The following CEP128 variants were observed in gnomAD, a reference collection of about 807,000 sequenced individuals.
CEP128 encodes centrosomal protein 128kDa.
Under a neutral mutation model 156.7 loss-of-function variants are expected in CEP128, and 132 were observed. That is an observed-to-expected ratio of 0.84 (90% CI 0.73 to 0.97). CEP128 has a LOEUF of 0.97. CEP128 is among the 50% of genes least tolerant of loss of function. The pLI is 0.00. For synonymous variants in CEP128, 469 were observed against 448.9 expected (o/e 1.04, Z -0.57); for missense variants, 1,252 against 1,281.9 (o/e 0.98, Z 0.36).
chr14:80,957,194 G>A (rs1886740236), intron 2 of CEP128, among the ~76,000 whole-genome samples: 1 of 152,022 alleles, frequency 6.6e-6, no homozygotes, highest in Non-Finnish European at 1.5e-5. Context: ...TCTTCACCCA[G>A]CTAATGCCTA....
At chr14:80,677,677 G>C (rs1217316284) in intron 19 of CEP128, among the ~76,000 whole-genome samples, 2 of 151,940 alleles carry the variant, frequency 1.3e-5, no homozygotes, top group African/African-American at 4.8e-5. Flanking sequence ...TCATCACCTA[G>C]AGTTGGTGAA....
chr14:80,558,802 T>C (rs1447403572), intron 21 of CEP128, among the ~76,000 whole-genome samples: 1 of 152,240 alleles, frequency 6.6e-6, no homozygotes, highest in Non-Finnish European at 1.5e-5. Context: ...TAATAGCACA[T>C]TCCTACAAGT....
chr14:80,891,705 G>T (rs1169718672), intron 8 of CEP128, among the ~76,000 whole-genome samples: 1 of 151,790 alleles, frequency 6.6e-6, no homozygotes, highest in Non-Finnish European at 1.5e-5. Flanking sequence ...TAATTGAATT[G>T]TTTGTAACAA....
At chr14:80,799,095 G>A (rs560389340) in intron 13 of CEP128, among the ~76,000 whole-genome samples, 2 of 152,286 alleles carry the variant, frequency 1.3e-5, no homozygotes, top group South Asian at 4.1e-4. Context: ...AACAGAATGA[G>A]TCACTCAGGC....
chr14:80,713,405 C>T lies in CEP128; in HGVS notation c.2806+29670G>A, dbSNP rs188392647. 3.3e-5 allele frequency among the ~76,000 whole-genome samples: 5 copies of T among 152,084 alleles called. No homozygotes were observed. In the East Asian group the frequency reaches 7.7e-4, roughly 24 times the overall value. ...CTGGTCAAGCATGGCCTTTTCAAAG[C>T]TCTATGACTTTGTGTGTAGGCTGTT... On this transcript the variant is annotated intron_variant, in intron 19 of 24. Transcript: ENST00000555265.
intron 13 of CEP128, among the ~76,000 whole-genome samples, chr14:80,826,451 G>T (rs1885485675): frequency 6.6e-6 from 1 of 151,968 alleles, no homozygotes; most frequent in Admixed American, 6.6e-5. Flanking sequence ...AAGACCTTTG[G>T]TCTCCAAAAA....
Position 80,862,855 on chromosome 14 carries a change from G to A in CEP128, c.664C>T (p.Arg222Trp), listed in dbSNP as rs145001230. 576 of 1,613,390 alleles carry A rather than the reference G, an allele frequency of 3.6e-4. 1 individual carries two copies. Among genetic ancestry groups the A allele is most frequent in the Admixed American group, 5.0e-4 (30 of 59,952 alleles). ...KQEVVSDRVE[R>W]RLQELEREMR... ...TCTCTCTCCAGTTCCTGAAGCCGCCGCTCCACCCGATCTGAAACCTTAATA... is the reference window on the plus strand; with the variant it reads ...TCTCTCTCCAGTTCCTGAAGCCGCCACTCCACCCGATCTGAAACCTTAATA... The change falls in exon 9 of 25, where the codon CGG becomes TGG. Residue 222 changes from arginine to tryptophan, a missense_variant. Physicochemically the swap from Arg to Trp is moderately radical, Grantham distance 101. Coordinates refer to ENST00000555265, the MANE Select transcript of CEP128 (RefSeq NM_152446.5).
chr14:80,596,626 C>T (rs1037725689), intron 19 of CEP128, among the ~76,000 whole-genome samples: 1 of 151,472 alleles, frequency 6.6e-6, no homozygotes, highest in African/African-American at 2.4e-5. Context: ...CTGGGAAACA[C>T]AGTGAGATCC....
At chr14:80,508,117 C>T (rs1438174509) in intron 23 of CEP128, among the ~76,000 whole-genome samples, 4 of 151,948 alleles carry the variant, frequency 2.6e-5, no homozygotes, top group Non-Finnish European at 4.4e-5. Context: ...GGTTTCGCCA[C>T]GTTGACCAGG....
chr14:80,777,236 G>A (rs1041988711), intron 16 of CEP128, among the ~76,000 whole-genome samples: 4 of 152,114 alleles, frequency 2.6e-5, no homozygotes, highest in Non-Finnish European at 4.4e-5. Context: ...GGAGGTGATT[G>A]GGAGGTGATT....
chr14:80,627,049 T>C (rs1024733318), intron 19 of CEP128, among the ~76,000 whole-genome samples: 11 of 152,242 alleles, frequency 7.2e-5, no homozygotes, highest in Non-Finnish European at 1.6e-4. Context: ...AGATACTTAT[T>C]AGACCCACAG....
chr14:80,758,284 G>T (rs1303150723), intron 17 of CEP128, among the ~76,000 whole-genome samples: 1 of 152,210 alleles, frequency 6.6e-6, no homozygotes, highest in African/African-American at 2.4e-5. Context: ...CACTTTGGGA[G>T]GCCGAGGCTG....
rs144580700 is a variant in CEP128, at chr14:80,508,835, G to T, written c.3073-3815C>A. 2.8e-4 allele frequency among the ~76,000 whole-genome samples: 42 copies of T among 152,228 alleles called. 1 individual carries two copies. The highest frequency in any genetic ancestry group is 8.2e-4 in the African/African-American group (34 of 41,528). Reference sequence around the variant, plus strand: ...GAGTACATGAGGTATTTTGATACAGGCATACAGAGTGCAATAATCCTGTAT... The same window carrying T: ...GAGTACATGAGGTATTTTGATACAGTCATACAGAGTGCAATAATCCTGTAT... On this transcript the variant is annotated intron_variant, in intron 23 of 24. Transcript: ENST00000555265.
chr14:80,537,203 T>C (rs1292383706), intron 21 of CEP128, among the ~76,000 whole-genome samples: 1 of 152,180 alleles, frequency 6.6e-6, no homozygotes, highest in Non-Finnish European at 1.5e-5. Context: ...CTATATGAAA[T>C]ACAGAATCTG....
chr14:80,685,066 CT>C (rs1462273316), intron 19 of CEP128, among the ~76,000 whole-genome samples: 2 of 152,066 alleles, frequency 1.3e-5, no homozygotes, highest in East Asian at 3.9e-4. Flanking sequence ...CTCACCACTC[CT>C]ATTCAACATA....
intron 4 of CEP128, among the ~76,000 whole-genome samples, chr14:80,909,135 T>C (rs1479105186): frequency 6.6e-6 from 1 of 152,116 alleles, no homozygotes; most frequent in African/African-American, 2.4e-5. Flanking sequence ...TGGACTTAAG[T>C]TTTTTGCCAG....
intron 24 of CEP128, among the ~76,000 whole-genome samples, chr14:80,503,324 T>C (rs746841585): frequency 1.2e-4 from 19 of 152,204 alleles, no homozygotes; most frequent in Non-Finnish European, 2.4e-4. Flanking sequence ...AAACCTATAG[T>C]TGCTTGTGAG....
intron 9 of CEP128, among the ~76,000 whole-genome samples, chr14:80,857,576 TACA>T (rs1032927858): frequency 2.6e-4 from 39 of 151,552 alleles, no homozygotes; most frequent in Middle Eastern, 3.4e-3. Flanking sequence ...CTACCCAAAA[TACA>T]ACAACAAAAA....
rs75809954 is a variant in CEP128, at chr14:80,784,469, G to A, written c.2211+426C>T. On this transcript the variant is annotated intron_variant, in intron 15 of 24. Coordinates refer to ENST00000555265, the MANE Select transcript of CEP128 (RefSeq NM_152446.5). The stretch of plus-strand genomic sequence containing the variant: ...ATTTGGAAAAGAAGGAGTAAATCTC[G>A]AAAGCCTTGGGTTTACACAGCCCAT... Among the ~76,000 whole-genome samples the A allele has an allele frequency of 4.0e-3, 611 of 152,236 alleles. 1 individual carries two copies. Among genetic ancestry groups the A allele is most frequent in the Middle Eastern group, 6.8e-3 (2 of 294 alleles).
Sources: gnomAD v4.1 joint callset for allele counts (sites outside exome capture counted in the v4.1 genomes callset) on GRCh38, gnomAD v4.1.1 for gene constraint, MANE v1.5 for transcripts, NCBI Gene and HGNC (gene_info 2026-07-23, HGNC 2026-07-21) for gene names.